RFPL4AL1: variants seen among roughly 807,000 people sequenced by gnomAD.
RFPL4AL1 encodes ret finger protein like 4A like 1.
RFPL4AL1 carries 2 observed loss-of-function variants against 8.2 expected under a neutral mutation model. The observed-to-expected ratio is 0.24, with a 90% CI of 0.10 to 0.77. The LOEUF is 0.77. Among genes scored for constraint, RFPL4AL1 ranks in the 30% least tolerant of loss-of-function variants. RFPL4AL1 has a pLI of 0.72. For missense variants in RFPL4AL1, 57 were observed against 350.3 expected (o/e 0.16, Z 6.68); for synonymous variants, 25 against 131.8 (o/e 0.19, Z 5.55).
chr19:55,771,843 C>T lies in RFPL4AL1; in HGVS notation c.39C>T (p.Val13=), dbSNP rs1989504831. The T allele has an allele frequency of 2.6e-6, 4 of 1,550,392 alleles. No homozygotes were observed. Among genetic ancestry groups the T allele is most frequent in the Admixed American group, 4.0e-5 (2 of 50,560 alleles). The change falls in exon 2 of 3, where the codon GTC becomes GTT. Residue 13 remains valine (V), a synonymous_variant. Coordinates refer to ENST00000341750, the MANE Select transcript of RFPL4AL1 (RefSeq NM_001277397.2). ...EHFKQIIRCP[V]CLKDLEEAVQ... Reference sequence around the variant, plus strand: ...TCAAACAGATCATTAGATGTCCTGTCTGTCTAAAAGATCTTGAAGAAGCCG... The same window carrying T: ...TCAAACAGATCATTAGATGTCCTGTTTGTCTAAAAGATCTTGAAGAAGCCG...
intron 1 of RFPL4AL1, among the ~76,000 whole-genome samples, chr19:55,770,069 G>A (rs1329940256): frequency 1.3e-5 from 2 of 152,060 alleles, no homozygotes; most frequent in South Asian, 4.1e-4. Flanking sequence ...CAGAAGTAGG[G>A]TTGCTGGAAC....
At chr19:55,771,369 G>C (rs1989494868) in intron 1 of RFPL4AL1, among the ~76,000 whole-genome samples, 1 of 152,142 alleles carries the variant, frequency 6.6e-6, no homozygotes, top group Non-Finnish European at 1.5e-5. Context: ...TTTAAGATGT[G>C]AGCAACTTGA....
chr19:55,771,086 G>GGTTTTTTTTTTTTTTTTTTTTTTT (rs1555799526), intron 1 of RFPL4AL1, among the ~76,000 whole-genome samples: 1 of 130,380 alleles, frequency 7.7e-6, no homozygotes, highest in Non-Finnish European at 1.6e-5. Flanking sequence ...TCTGTTTTTT[G>GGTTTTTTTTTTTTTTTTTTTTTTT]TTTTTTTTTT....
chr19:55,771,095 T>TG (rs1989488066), intron 1 of RFPL4AL1, among the ~76,000 whole-genome samples: 1 of 149,294 alleles, frequency 6.7e-6, no homozygotes, highest in Non-Finnish European at 1.5e-5. Flanking sequence ...TGTTTTTTTT[T>TG]TTTTTTTTTT....
intron 1 of RFPL4AL1, among the ~76,000 whole-genome samples, chr19:55,769,436 G>C (rs1457202599): frequency 2.0e-5 from 3 of 148,988 alleles, no homozygotes; most frequent in African/African-American, 7.4e-5. Context: ...ATGGACAGAG[G>C]TTCGGTGGCT....
At position 55,770,201 on chromosome 19, in the gene RFPL4AL1, A is replaced by G. The variant is rs144156918; in HGVS notation, c.-10+1026A>G. ...CCCCTTTCTCCACATCCTTACCAACACTTATCTTTTGTCTTTTTGATCATA... is the reference window on the plus strand; with the variant it reads ...CCCCTTTCTCCACATCCTTACCAACGCTTATCTTTTGTCTTTTTGATCATA... On this transcript the variant is annotated intron_variant, in intron 1 of 2. Coordinates refer to ENST00000341750, the MANE Select transcript of RFPL4AL1 (RefSeq NM_001277397.2). Among the ~76,000 whole-genome samples, 759 of 151,882 alleles carry G rather than the reference A, an allele frequency of 5.0e-3. 11 individuals carry two copies. Among genetic ancestry groups the G allele is most frequent in the African/African-American group, 0.017 (709 of 41,388 alleles).
At chr19:55,769,903 G>A (rs1356384757) in intron 1 of RFPL4AL1, among the ~76,000 whole-genome samples, 1 of 151,126 alleles carries the variant, frequency 6.6e-6, no homozygotes, top group Non-Finnish European at 1.5e-5. Flanking sequence ...CTTTTTTATG[G>A]TAGAATAATC....
chr19:55,770,945 G>A (rs1989480615), intron 1 of RFPL4AL1, among the ~76,000 whole-genome samples: 1 of 151,894 alleles, frequency 6.6e-6, no homozygotes, highest in Admixed American at 6.6e-5. Flanking sequence ...GTCTATTCAG[G>A]ATTCTGCCCA....
rs1331534636 is a variant in RFPL4AL1, at chr19:55,772,313, A to C, written c.286+223A>C. Among the ~76,000 whole-genome samples the C allele has an allele frequency of 1.5e-5, 2 of 131,022 alleles. 1 individual carries two copies. The highest frequency in any genetic ancestry group is 4.4e-4 in the East Asian group (2 of 4,536). 86.0% of individuals were successfully genotyped at this position (131,022 alleles called of 152,430 possible). ...AAGCTACTGTCTTCTTTCATGTATCATATGTGCTAAATGGAAAACTAATTT... is the reference window on the plus strand; with the variant it reads ...AAGCTACTGTCTTCTTTCATGTATCCTATGTGCTAAATGGAAAACTAATTT... On this transcript the variant is annotated intron_variant, in intron 2 of 2. Transcript: ENST00000341750.
intron 1 of RFPL4AL1, among the ~76,000 whole-genome samples, chr19:55,771,576 A>T (rs1242822784): frequency 6.8e-6 from 1 of 147,588 alleles, no homozygotes; most frequent in Non-Finnish European, 1.5e-5. Flanking sequence ...TCTTTCGGTG[A>T]ATCATGCCCT....
At chr19:55,771,585 C>G (rs1437988801) in intron 1 of RFPL4AL1, among the ~76,000 whole-genome samples, 5 of 146,568 alleles carry the variant, frequency 3.4e-5, no homozygotes, top group African/African-American at 1.2e-4. Context: ...GAATCATGCC[C>G]TTTATTCCAA....
intron 1 of RFPL4AL1, 46 bp downstream of exon 1, chr19:55,769,221 A>G (rs1379068739): frequency 3.3e-5 from 5 of 151,846 alleles, no homozygotes; most frequent in African/African-American, 1.2e-4. Context: ...GGCGTATGAG[A>G]ATCTAGGGGA....
At position 55,773,200 on chromosome 19, in the gene RFPL4AL1, A is replaced by T; in HGVS notation, c.*21A>T. 1 of 1,383,948 alleles carries T rather than the reference A, an allele frequency of 7.2e-7. No homozygotes were observed. Among genetic ancestry groups the T allele is most frequent in the Non-Finnish European group, 9.9e-7 (1 of 1,005,876 alleles). The allele number at this position is 1,383,948 out of a possible 1,614,324, so 85.7% of individuals were successfully genotyped here. ...AGTAAATAAACATTTGAACATAATCATCTTTAGGAAGTTTCAGTGCCCCCA... is the reference window on the plus strand; with the variant it reads ...AGTAAATAAACATTTGAACATAATCTTCTTTAGGAAGTTTCAGTGCCCCCA... On this transcript the variant is annotated 3_prime_UTR_variant, in exon 3 of 3. Coordinates refer to ENST00000341750, the MANE Select transcript of RFPL4AL1 (RefSeq NM_001277397.2).
At chr19:55,769,458 C>A (rs566938339) in intron 1 of RFPL4AL1, among the ~76,000 whole-genome samples, 4 of 151,670 alleles carry the variant, frequency 2.6e-5, no homozygotes, top group Non-Finnish European at 5.9e-5. Flanking sequence ...CGTTACTCAA[C>A]GTCAGGTTTT....
At chr19:55,770,032 C>T (rs1233694214) in intron 1 of RFPL4AL1, among the ~76,000 whole-genome samples, 2 of 151,942 alleles carry the variant, frequency 1.3e-5, no homozygotes, top group Non-Finnish European at 2.9e-5. Context: ...CTTTGATATG[C>T]TGACCTCTTT....
intron 1 of RFPL4AL1, among the ~76,000 whole-genome samples, chr19:55,769,745 G>A (rs546991973): frequency 2.0e-5 from 3 of 151,696 alleles, no homozygotes; most frequent in East Asian, 1.9e-4. Context: ...CTGGAGTGCA[G>A]TGGCTATTTT....
intron 1 of RFPL4AL1, among the ~76,000 whole-genome samples, chr19:55,769,664 C>T (rs755099538): frequency 4.6e-5 from 7 of 151,886 alleles, no homozygotes; most frequent in South Asian, 2.1e-4. Context: ...TGCTGGGACC[C>T]ACCTCTTCCA....
intron 1 of RFPL4AL1, among the ~76,000 whole-genome samples, chr19:55,771,174 T>C (rs61336179): frequency 0.41 from 50,348 of 124,236 alleles, 7,349 homozygotes; most frequent in Admixed American, 0.48. Context: ...CCTTTTGGTG[T>C]GCTATCAGGG....
intron 1 of RFPL4AL1, among the ~76,000 whole-genome samples, chr19:55,770,101 GT>G (rs1354664564): frequency 6.6e-6 from 1 of 151,942 alleles, no homozygotes; most frequent in Non-Finnish European, 1.5e-5. Context: ...TATTCTTCAT[GT>G]TTTCAGAAAC....
Sources: allele counts gnomAD v4.1 joint callset (sites outside exome capture counted in the v4.1 genomes callset), GRCh38; gene constraint gnomAD v4.1.1; transcripts MANE v1.5; gene names NCBI Gene and HGNC (gene_info 2026-07-23, HGNC 2026-07-21).